The following CA8 variants were observed in gnomAD, a reference collection of about 807,000 sequenced individuals.
CA8 encodes carbonic anhydrase 8 (inactive).
Under a neutral mutation model 41.4 loss-of-function variants are expected in CA8, and 22 were observed. That is an observed-to-expected ratio of 0.53 (90% CI 0.38 to 0.76). The LOEUF is 0.76. CA8 is among the 30% of genes least tolerant of loss of function. The probability of loss-of-function intolerance (pLI) is 0.00; values close to 1 mark genes in which losing one functional copy is unlikely to be tolerated. For synonymous variants in CA8, 121 were observed against 130.6 expected, an observed-to-expected ratio of 0.93 and a Z score of 0.50; for missense variants, 270 against 352.8, an observed-to-expected ratio of 0.77 and a Z score of 1.88.
chr8:60,219,929 TAAAA>T (rs546162939), intron 7 of CA8, among the ~76,000 whole-genome samples: 14 of 82,032 alleles, frequency 1.7e-4, no homozygotes, highest in South Asian at 5.5e-4. Context: ...AATCTTAACT[TAAAA>T]AAAAAAAAAA....
intron 2 of CA8, among the ~76,000 whole-genome samples, chr8:60,266,296 A>G (rs112634095): frequency 3.3e-5 from 5 of 152,358 alleles, no homozygotes; most frequent in South Asian, 2.1e-4. Context: ...AATGATATGC[A>G]TATTTTAATT....
chr8:60,191,646 C>A (rs1806134846), intron 8 of CA8, among the ~76,000 whole-genome samples: 1 of 152,126 alleles, frequency 6.6e-6, no homozygotes, highest in Non-Finnish European at 1.5e-5. Flanking sequence ...ATTTAACACA[C>A]ATTTTGGAGG....
intron 6 of CA8, among the ~76,000 whole-genome samples, chr8:60,223,553 G>C (rs556323990): frequency 1.3e-5 from 2 of 152,282 alleles, no homozygotes; most frequent in South Asian, 4.1e-4. Context: ...CCAAAGTGTT[G>C]GGATTACATA....
At chr8:60,219,226 T>A (rs1475014296) in intron 7 of CA8, among the ~76,000 whole-genome samples, 1 of 151,938 alleles carries the variant, frequency 6.6e-6, no homozygotes, top group Non-Finnish European at 1.5e-5. Context: ...TGGCACAATC[T>A]TGGCTCACTG....
At chr8:60,191,523 T>C (rs1806130165) in intron 8 of CA8, among the ~76,000 whole-genome samples, 1 of 152,150 alleles carries the variant, frequency 6.6e-6, no homozygotes, top group African/African-American at 2.4e-5. Flanking sequence ...TATGGTTCTT[T>C]AATTCAAAGC....
chr8:60,234,913 A>C (rs1040785994), intron 3 of CA8, among the ~76,000 whole-genome samples: 8 of 152,174 alleles, frequency 5.3e-5, no homozygotes, highest in African/African-American at 1.9e-4. Context: ...TTTCTACACC[A>C]GTAGAGGTTG....
intron 3 of CA8, among the ~76,000 whole-genome samples, chr8:60,257,109 C>A (rs1316215824): frequency 1.3e-5 from 2 of 152,076 alleles, no homozygotes; most frequent in Non-Finnish European, 2.9e-5. Flanking sequence ...TCTCCGGTAG[C>A]TGGGACTACA....
At chr8:60,194,096 T>G (rs1806209886) in intron 8 of CA8, among the ~76,000 whole-genome samples, 1 of 152,140 alleles carries the variant, frequency 6.6e-6, no homozygotes, top group Non-Finnish European at 1.5e-5. Context: ...TAAATATTCC[T>G]TTCTTAATAG....
At chr8:60,192,687 TATTA>T (rs917121446) in intron 8 of CA8, among the ~76,000 whole-genome samples, 4 of 152,102 alleles carry the variant, frequency 2.6e-5, no homozygotes, top group African/African-American at 9.7e-5. Context: ...CAATTGCTAA[TATTA>T]TTTATATCAA....
At chr8:60,208,968 A>G (rs1365583003) in intron 7 of CA8, 49 bp from the exon 8 acceptor site, 4 of 1,585,638 alleles carry the variant, frequency 2.5e-6, no homozygotes, top group Non-Finnish European at 3.5e-6. Context: ...TCGGACATTA[A>G]CAAGATTGGA....
intron 4 of CA8, 95 bp from the exon 5 acceptor site, chr8:60,227,030 G>A (rs1031800387): frequency 2.5e-5 from 22 of 870,250 alleles, no homozygotes; most frequent in Non-Finnish European, 3.9e-5. Flanking sequence ...GGTGGCTCAT[G>A]CCTGTAACCC....
At chr8:60,202,275 T>G (rs190103559) in intron 8 of CA8, among the ~76,000 whole-genome samples, 8 of 151,710 alleles carry the variant, frequency 5.3e-5, no homozygotes, top group African/African-American at 1.9e-4. Flanking sequence ...GATGCTCTTA[T>G]CTCCTGACCT....
chr8:60,226,690 A>C (rs1030091273), intron 5 of CA8, among the ~76,000 whole-genome samples, 183 bp downstream of exon 5: 3 of 152,076 alleles, frequency 2.0e-5, no homozygotes, highest in African/African-American at 7.2e-5. Flanking sequence ...CCTGGACTTC[A>C]TTCCATGCGC....
chr8:60,234,587 G>A (rs1041627557), intron 3 of CA8, among the ~76,000 whole-genome samples: 4 of 152,152 alleles, frequency 2.6e-5, no homozygotes, highest in Admixed American at 2.6e-4. Context: ...CAAAAATTAA[G>A]AGAAATGCTG....
At position 60,281,022 on chromosome 8, in the gene CA8, G is replaced by A. The variant is rs775962746; in HGVS notation, c.100+26C>T. 4.0e-4 allele frequency: 615 copies of A among 1,555,354 alleles called. 4 individuals are homozygous for A. The highest frequency in any genetic ancestry group is 3.1e-4 in the Non-Finnish European group (351 of 1,130,480). On this transcript the variant is annotated intron_variant, in intron 1 of 8. Transcript: ENST00000317995. The stretch of plus-strand genomic sequence containing the variant: ...GACACTGACGCCGCCGCGGGACCCC[G>A]GACACCCCGACTCGCGGCCACTTAC...
chr8:60,249,598 TAAA>T, intron 3 of CA8, among the ~76,000 whole-genome samples: 1 of 152,328 alleles, frequency 6.6e-6, no homozygotes. Flanking sequence ...TGTCTAACGA[TAAA>T]TAAATTGAGC....
chr8:60,256,986 A>AT (rs879847837), intron 3 of CA8, among the ~76,000 whole-genome samples: 65 of 149,968 alleles, frequency 4.3e-4, no homozygotes, highest in South Asian at 1.5e-3. Flanking sequence ...TTTATTTTTA[A>AT]TTTTTTTTTT....
intron 8 of CA8, among the ~76,000 whole-genome samples, chr8:60,191,448 A>G (rs1010783046): frequency 2.0e-5 from 3 of 152,104 alleles, no homozygotes; most frequent in African/African-American, 7.2e-5. Context: ...ATGTTCCATA[A>G]AAAACAACAA....
chr8:60,208,052 G>A (rs1253423927), intron 8 of CA8: 1 of 152,232 alleles, frequency 6.6e-6, no homozygotes, highest in Non-Finnish European at 1.5e-5. Flanking sequence ...AATTTACAAG[G>A]TAAATAAATA....
Sources: allele counts gnomAD v4.1 joint callset (sites outside exome capture counted in the v4.1 genomes callset), GRCh38; gene constraint gnomAD v4.1.1; transcripts MANE v1.5; gene names NCBI Gene and HGNC (gene_info 2026-07-23, HGNC 2026-07-21).